Variants in CCDC152 observed in about 807,000 individuals in gnomAD.
CCDC152 encodes the protein coiled-coil domain-containing protein 152.
CCDC152 carries 37 observed loss-of-function variants against 38.1 expected under a neutral mutation model. The ratio of observed to expected loss-of-function variants is 0.97; its 90% confidence interval spans 0.75 to 1.28. The LOEUF is 1.28. Ranked by LOEUF, CCDC152 falls within the 50% of genes most tolerant of loss-of-function variation. CCDC152 has a pLI of 0.00. For missense variants in CCDC152, 259 were observed against 292.1 expected (o/e 0.89, Z 0.83); for synonymous variants, 83 against 87.1 (o/e 0.95, Z 0.26).
intron 4 of CCDC152, among the ~76,000 whole-genome samples, chr5:42,772,367 C>A (rs894830206): frequency 6.6e-6 from 1 of 152,200 alleles, no homozygotes; most frequent in African/African-American, 2.4e-5. Flanking sequence ...AGAAAACTTT[C>A]TCTTTAAGAT....
At chr5:42,768,078 A>T (rs7734918) in intron 3 of CCDC152, among the ~76,000 whole-genome samples, 33,336 of 152,102 alleles carry the variant, frequency 0.22, 4,539 homozygotes, top group Admixed American at 0.35. Flanking sequence ...TAGCATCACA[A>T]AGCTTTAAAC....
intron 3 of CCDC152, among the ~76,000 whole-genome samples, chr5:42,763,818 G>T (rs1308833864): frequency 6.6e-6 from 1 of 152,112 alleles, no homozygotes; most frequent in Admixed American, 6.5e-5. Context: ...TTTATTAAAA[G>T]TTAAAAAGAT....
chr5:42,787,819 C>T (rs1242496629), intron 6 of CCDC152, among the ~76,000 whole-genome samples: 2 of 152,118 alleles, frequency 1.3e-5, no homozygotes, highest in Non-Finnish European at 2.9e-5. Flanking sequence ...TTCGTCACCC[C>T]TTTACTTTGA....
At chr5:42,768,537 A>G (rs1425143607) in intron 3 of CCDC152, among the ~76,000 whole-genome samples, 2 of 152,330 alleles carry the variant, frequency 1.3e-5, no homozygotes, top group Admixed American at 6.5e-5. Flanking sequence ...AATATTTGCA[A>G]TGAAACTTCT....
intron 3 of CCDC152, among the ~76,000 whole-genome samples, chr5:42,768,943 T>C (rs1759661369): frequency 6.6e-6 from 1 of 152,172 alleles, no homozygotes; most frequent in Admixed American, 6.5e-5. Context: ...TTTGGCTTAA[T>C]GAGTGAGTTA....
At chr5:42,764,148 A>T (rs952063607) in intron 3 of CCDC152, among the ~76,000 whole-genome samples, 10 of 152,116 alleles carry the variant, frequency 6.6e-5, no homozygotes, top group African/African-American at 2.4e-4. Context: ...ATGGTGGCTC[A>T]CACCTGTAAT....
Position 42,764,904 on chromosome 5 carries a change from G to C in CCDC152, c.193+2356G>C, listed in dbSNP as rs566135677. Among the ~76,000 whole-genome samples the C allele has an allele frequency of 4.6e-5, 7 of 152,290 alleles. No homozygotes were observed. The South Asian group carries it at 1.5e-3, about 32-fold the overall frequency. ...ACTGTCACCACTGTTATTCAACATA[G>C]TACTGGAAGTCCTAGCTAGAGCAAT... On this transcript the variant is annotated intron_variant, in intron 3 of 8. Transcript: ENST00000361970.
intron 4 of CCDC152, among the ~76,000 whole-genome samples, chr5:42,774,440 G>A (rs1424005243): frequency 6.6e-6 from 1 of 152,206 alleles, no homozygotes; most frequent in East Asian, 1.9e-4. Context: ...AACAAAGCCT[G>A]ACTTGAAAGA....
At chr5:42,779,026 A>C (rs1759805475) in intron 4 of CCDC152, among the ~76,000 whole-genome samples, 1 of 152,204 alleles carries the variant, frequency 6.6e-6, no homozygotes, top group African/African-American at 2.4e-5. Context: ...AGCTATATTC[A>C]CTCAAGCCCA....
In CCDC152 at chr5:42,800,471, A is replaced by T. The variant is rs1760157432; in HGVS notation, c.*690A>T. 7.4e-6 allele frequency: 3 copies of T among 405,344 alleles called. No individual in the cohort carries two copies. The highest frequency in any genetic ancestry group is 8.3e-5 in the Admixed American group (2 of 23,980). 25.1% of individuals were successfully genotyped at this position (405,344 alleles called of 1,614,324 possible). On this transcript the variant is annotated 3_prime_UTR_variant, in exon 9 of 9. Transcript: ENST00000361970. Reference sequence around the variant, plus strand: ...CTCATTAAAGCAAATAGAACACTGGAAAAAGAAAAAAAAAGACATATTAAC... The same window carrying T: ...CTCATTAAAGCAAATAGAACACTGGTAAAAGAAAAAAAAAGACATATTAAC...
chr5:42,758,935 GA>G (rs1421566543), intron 1 of CCDC152, among the ~76,000 whole-genome samples, 184 bp from the exon 2 acceptor site: 1 of 152,148 alleles, frequency 6.6e-6, no homozygotes, highest in East Asian at 1.9e-4. Context: ...GTAAGGAGTG[GA>G]AAAGACAATG....
At chr5:42,772,984 G>T (rs941292856) in intron 4 of CCDC152, among the ~76,000 whole-genome samples, 1 of 152,172 alleles carries the variant, frequency 6.6e-6, no homozygotes, top group African/African-American at 2.4e-5. Flanking sequence ...CTCCAAGGGA[G>T]TTCTTTTGGA....
chr5:42,771,727 C>T (rs984308788), intron 4 of CCDC152, among the ~76,000 whole-genome samples: 30 of 151,942 alleles, frequency 2.0e-4, no homozygotes, highest in African/African-American at 6.5e-4. Flanking sequence ...CAGAAATAGT[C>T]GGAACACACC....
chr5:42,784,534 A>G lies in CCDC152; in HGVS notation c.430+958A>G, dbSNP rs997519746. ...TCCTTTGGTGGATATACGGCTTGCA[A>G]ATATTTTCTCCCATTCTGTAGGTTG... On this transcript the variant is annotated intron_variant, in intron 6 of 8. Coordinates refer to ENST00000361970, the MANE Select transcript of CCDC152 (RefSeq NM_001134848.2). Among the ~76,000 whole-genome samples, 4 of 152,072 alleles carry G rather than the reference A, an allele frequency of 2.6e-5. No homozygotes were observed. In the East Asian group the frequency reaches 5.8e-4, roughly 22 times the overall value.
chr5:42,799,551 G>T, intron 8 of CCDC152, 93 bp downstream of exon 8: 1 of 1,163,642 alleles, frequency 8.6e-7, no homozygotes, highest in Non-Finnish European at 1.2e-6. Flanking sequence ...ACAATATAAG[G>T]TATTTTTTAA....
At chr5:42,766,214 A>T (rs1267322508) in intron 3 of CCDC152, among the ~76,000 whole-genome samples, 1 of 152,178 alleles carries the variant, frequency 6.6e-6, no homozygotes, top group Admixed American at 6.5e-5. Flanking sequence ...CTATAATGAA[A>T]TCTCATCTCA....
At chr5:42,769,507 A>G (rs981029001) in intron 3 of CCDC152, 90 bp from the exon 4 acceptor site, 4 of 1,313,800 alleles carry the variant, frequency 3.0e-6, no homozygotes, top group South Asian at 2.9e-5. Context: ...CCTGGCTTAA[A>G]TATTATTTTA....
In CCDC152 at chr5:42,801,267, G is replaced by A. The variant is rs761519480; in HGVS notation, c.*1486G>A. ...CTCATGATGGTAATGAGGCGATGGA[G>A]TTTCAACTGTTTTATCCACAGTAGC... On this transcript the variant is annotated 3_prime_UTR_variant, in exon 9 of 9. Coordinates refer to ENST00000361970, the MANE Select transcript of CCDC152 (RefSeq NM_001134848.2). 1.5e-5 allele frequency: 24 copies of A among 1,613,910 alleles called. No individual in the cohort carries two copies. In the South Asian group the frequency reaches 2.6e-4, roughly 18 times the overall value.
chr5:42,768,511 C>T (rs771323205), intron 3 of CCDC152, among the ~76,000 whole-genome samples: 1 of 152,192 alleles, frequency 6.6e-6, no homozygotes, highest in Non-Finnish European at 1.5e-5. Flanking sequence ...GGCTTGAATG[C>T]GCATGTCAAG....
Sources: gnomAD v4.1 joint callset for allele counts (sites outside exome capture counted in the v4.1 genomes callset) on GRCh38, gnomAD v4.1.1 for gene constraint, MANE v1.5 for transcripts, NCBI Gene and HGNC (gene_info 2026-07-23, HGNC 2026-07-21) for gene names.